The following CKAP2L variants were observed in gnomAD, a reference collection of about 807,000 sequenced individuals.
The protein encoded by CKAP2L is cytoskeleton associated protein 2L.
In CKAP2L, 42 loss-of-function variants were observed where a neutral mutation model predicts 65.7. The observed-to-expected ratio is 0.64, with a 90% CI of 0.50 to 0.83. CKAP2L has a LOEUF of 0.83. Ranked by LOEUF, CKAP2L falls within the 40% of genes least tolerant of loss-of-function variation. The probability of loss-of-function intolerance (pLI) is 0.00; values close to 1 mark genes in which losing one functional copy is unlikely to be tolerated. For missense variants in CKAP2L, 908 were observed against 871.0 expected, an observed-to-expected ratio of 1.04 and a Z score of -0.53; for synonymous variants, 325 against 313.5, an observed-to-expected ratio of 1.04 and a Z score of -0.39.
Position 112,753,870 on chromosome 2 carries a change from C to T in CKAP2L, c.1395-1396G>A, listed in dbSNP as rs189833938. Among the ~76,000 whole-genome samples the T allele has an allele frequency of 4.6e-5, 7 of 152,224 alleles. No homozygotes were observed. In the East Asian group the frequency reaches 1.4e-3, roughly 29 times the overall value. ...TCCAGACTCATTCCTGCCTTAAGGT[C>T]TTGCATCTTCAGTCCTCCCCTCAAA... On this transcript the variant is annotated intron_variant, in intron 4 of 8. Coordinates refer to ENST00000302450, the MANE Select transcript of CKAP2L (RefSeq NM_152515.5).
At chr2:112,762,980 C>T (rs1382600422) in intron 1 of CKAP2L, among the ~76,000 whole-genome samples, 3 of 152,094 alleles carry the variant, frequency 2.0e-5, no homozygotes, top group African/African-American at 7.2e-5. Context: ...GAGACAGGAT[C>T]TCACTATGTT....
chr2:112,755,438 C>A (rs1017407625), intron 4 of CKAP2L, among the ~76,000 whole-genome samples: 1 of 152,132 alleles, frequency 6.6e-6, no homozygotes, highest in Non-Finnish European at 1.5e-5. Context: ...GCGTGCCCGG[C>A]CTAAGATCTT....
At position 112,756,453 on chromosome 2, in the gene CKAP2L, A is replaced by G; in HGVS notation, c.918T>C (p.Asn306=). 6.2e-7 allele frequency: 1 copy of G among 1,613,322 alleles called. No individual in the cohort carries two copies. Among genetic ancestry groups the G allele is most frequent in the Non-Finnish European group, 8.5e-7 (1 of 1,179,720 alleles). ...VVKNIKDIKV[N]RSQYERPNET... The stretch of plus-strand genomic sequence containing the variant: ...CATTTGGTCTTTCATATTGACTCCT[A>G]TTAACCTTTATATCTTTGATGTTCT... The change falls in exon 4 of 9, where the codon AAT becomes AAC. Residue 306 remains asparagine (N), a synonymous_variant. Coordinates refer to ENST00000302450, the MANE Select transcript of CKAP2L (RefSeq NM_152515.5).
rs200736867 is a variant in CKAP2L, at chr2:112,738,771, TC to T, written c.*51del. 5.9e-4 allele frequency: 732 copies of T among 1,234,350 alleles called. 9 individuals are homozygous for T. In the East Asian group the frequency reaches 0.014, roughly 23 times the overall value. The allele number at this position is 1,234,350 out of a possible 1,614,324, so 76.5% of individuals were successfully genotyped here. On this transcript the variant is annotated 3_prime_UTR_variant, in exon 9 of 9. Transcript: ENST00000302450. ...TCCAGGTCACTTGGACAAGAATATTTCTTGTCTTATGTTGGTTCTGAAACAC... is the reference window on the plus strand; with the variant it reads ...TCCAGGTCACTTGGACAAGAATATTTTTGTCTTATGTTGGTTCTGAAACAC...
At position 112,757,201 on chromosome 2, in the gene CKAP2L, T is replaced by C; in HGVS notation, c.170A>G (p.Lys57Arg). ...AACAACATGGTTGGTAACATCATTT[T>C]TGGGTCTAATAGTCTGAAAAAACAA... ...QPPSKSTIRPKNDVTNHVVLP... is the reference protein window; with the variant it reads ...QPPSKSTIRPRNDVTNHVVLP... The change falls in exon 4 of 9, where the codon AAA becomes AGA. Residue 57 changes from lysine (K) to arginine (R), a missense_variant. Lys to Arg is a conservative substitution (Grantham distance 26). Transcript: ENST00000302450. The C allele has an allele frequency of 6.2e-7, 1 of 1,605,508 alleles. No homozygotes were observed.
At chr2:112,755,694 C>T (rs1680510015) in intron 4 of CKAP2L, among the ~76,000 whole-genome samples, 2 of 151,900 alleles carry the variant, frequency 1.3e-5, no homozygotes, top group South Asian at 4.2e-4. Context: ...TACATCTGCA[C>T]CCCCTACTTC....
rs770600405 is a variant in CKAP2L, at chr2:112,761,385, T to C, written c.105-621A>G. Among the ~76,000 whole-genome samples the C allele has an allele frequency of 3.7e-5, 5 of 134,970 alleles. 1 individual carries two copies. Among genetic ancestry groups the C allele is most frequent in the East Asian group, 2.2e-4 (1 of 4,600 alleles). The allele number at this position is 134,970 out of a possible 152,430, so 88.5% of individuals were successfully genotyped here. ...CTGAGGCAGGAAAATGGCGTGAAAC[T>C]GGGAGGCAGAGCTTGCAGTGAGCCA... On this transcript the variant is annotated intron_variant, in intron 2 of 8. Transcript: ENST00000302450.
At position 112,738,385 on chromosome 2, in the gene CKAP2L, T is replaced by C. The variant is rs989093538; in HGVS notation, c.*438A>G. The stretch of plus-strand genomic sequence containing the variant: ...AAAATGAGGGGTTTTGACTTGGCCA[T>C]CTGTCAAGGTCCATTCAGCCTGTCA... On this transcript the variant is annotated 3_prime_UTR_variant, in exon 9 of 9. Coordinates refer to ENST00000302450, the MANE Select transcript of CKAP2L (RefSeq NM_152515.5). The C allele has an allele frequency of 1.2e-5, 2 of 162,106 alleles. No homozygotes were observed. The highest frequency in any genetic ancestry group is 2.7e-5 in the Non-Finnish European group (2 of 74,210). The allele number at this position is 162,106 out of a possible 1,614,324, so 10.0% of individuals were successfully genotyped here.
chr2:112,754,739 C>T (rs995212420), intron 4 of CKAP2L, among the ~76,000 whole-genome samples: 9 of 152,214 alleles, frequency 5.9e-5, no homozygotes, highest in African/African-American at 2.2e-4. Flanking sequence ...ACCTGCAACA[C>T]AGTCTTATGA....
chr2:112,761,557 A>G (rs1344887295), intron 2 of CKAP2L, among the ~76,000 whole-genome samples: 1 of 152,110 alleles, frequency 6.6e-6, no homozygotes, highest in African/African-American at 2.4e-5. Flanking sequence ...ATTAAAAAAA[A>G]AAAAACCAAG....
chr2:112,738,734 CCTCT>C lies in CKAP2L; in HGVS notation c.*85_*88del, dbSNP rs1489345443. ...GCGTCCATAATCTGCATCCATGATG[CCTCT>C]CTTTTTTTCCAGGTCACTTGGACAA... On this transcript the variant is annotated 3_prime_UTR_variant, in exon 9 of 9. Coordinates refer to ENST00000302450, the MANE Select transcript of CKAP2L (RefSeq NM_152515.5). 3.6e-6 allele frequency: 3 copies of C among 823,710 alleles called. No individual in the cohort carries two copies. The highest frequency in any genetic ancestry group is 6.0e-6 in the Non-Finnish European group (3 of 501,374). The allele number at this position is 823,710 out of a possible 1,614,324, so 51.0% of individuals were successfully genotyped here. A position where few individuals can be genotyped will look rare whatever the true frequency, so the allele number is the denominator to read the frequency against.
intron 4 of CKAP2L, among the ~76,000 whole-genome samples, chr2:112,754,096 T>C (rs1168288077): frequency 6.6e-6 from 1 of 152,210 alleles, no homozygotes; most frequent in African/African-American, 2.4e-5. Context: ...ATTCTGAGTT[T>C]TGACAAATGC....
In CKAP2L at chr2:112,737,990, C is replaced by A. The variant is rs1679449930; in HGVS notation, c.*833G>T. ...TATTTACATAATGACTAAGGTAAAA[C>A]CTTTCCACAAATAGTTGCCCAGGAG... On this transcript the variant is annotated 3_prime_UTR_variant, in exon 9 of 9. Transcript: ENST00000302450. 6.6e-6 allele frequency: 1 copy of A among 152,062 alleles called. No homozygotes were observed. Among genetic ancestry groups the A allele is most frequent in the African/African-American group, 2.4e-5 (1 of 41,376 alleles). 9.4% of individuals were successfully genotyped at this position (152,062 alleles called of 1,614,324 possible).
chr2:112,761,460 CAA>C (rs1182818451), intron 2 of CKAP2L, among the ~76,000 whole-genome samples: 92 of 26,366 alleles, frequency 3.5e-3, no homozygotes, highest in African/African-American at 0.011. Flanking sequence ...GACTCCGTCT[CAA>C]AAAAAAAAAA....
chr2:112,748,453 T>C (rs1323831522), intron 5 of CKAP2L, among the ~76,000 whole-genome samples: 1 of 14,578 alleles, frequency 6.9e-5, no homozygotes, highest in Non-Finnish European at 1.5e-4. Flanking sequence ...GATTCCAGCA[T>C]GAAGGCAAAT....
In CKAP2L at chr2:112,758,058, T is replaced by C. The variant is rs542641569; in HGVS notation, c.157-844A>G. ...GTGGCAGATGATGTGAGGCCTGAGA[T>C]ATGCTGCCACAGCTCTCAATAAACA... On this transcript the variant is annotated intron_variant, in intron 3 of 8. Coordinates refer to ENST00000302450, the MANE Select transcript of CKAP2L (RefSeq NM_152515.5). Among the ~76,000 whole-genome samples the C allele has an allele frequency of 7.2e-5, 11 of 152,322 alleles. 1 individual carries two copies. In the South Asian group the frequency reaches 2.3e-3, roughly 32 times the overall value.
intron 5 of CKAP2L, among the ~76,000 whole-genome samples, chr2:112,747,562 A>T (rs1334098486): frequency 2.0e-5 from 3 of 152,144 alleles, no homozygotes; most frequent in Admixed American, 2.0e-4. Context: ...ACAAAAAGAT[A>T]ATTTGAAATG....
chr2:112,760,145 T>C (rs1360217481), intron 3 of CKAP2L, among the ~76,000 whole-genome samples: 2 of 152,190 alleles, frequency 1.3e-5, no homozygotes, highest in African/African-American at 4.8e-5. Flanking sequence ...AACTTTAAGT[T>C]AAGGATCCTT....
chr2:112,759,297 G>T (rs1680638123), intron 3 of CKAP2L, among the ~76,000 whole-genome samples: 1 of 152,172 alleles, frequency 6.6e-6, no homozygotes, highest in African/African-American at 2.4e-5. Context: ...TCACATGGTT[G>T]TTCTGAGTGA....
Sources: allele counts gnomAD v4.1 joint callset (sites outside exome capture counted in the v4.1 genomes callset), GRCh38; gene constraint gnomAD v4.1.1; transcripts MANE v1.5; gene names NCBI Gene and HGNC (gene_info 2026-07-23, HGNC 2026-07-21).